Variants in KLF8 observed in about 807,000 individuals in gnomAD.
KLF8 encodes the protein Krueppel-like factor 8.
In KLF8, 10 loss-of-function variants were observed where a neutral mutation model predicts 18.2. The ratio of observed to expected loss-of-function variants is 0.55; its 90% confidence interval spans 0.34 to 0.93. The LOEUF is 0.93. Ranked by LOEUF, KLF8 falls within the 40% of genes least tolerant of loss-of-function variation. KLF8 has a pLI of 0.02. For missense variants in KLF8, 264 were observed against 277.9 expected (o/e 0.95, Z 0.36); for synonymous variants, 109 against 97.3 (o/e 1.12, Z -0.71).
the KLF8 span, among the ~76,000 whole-genome samples, chrX:56,058,279 C>T: frequency 6.8e-3 from 50 of 7,300 alleles, 1 homozygote; most frequent in African/African-American, 0.014. Context: ...CATATATATA[C>T]ATATATATAT....
the KLF8 span, among the ~76,000 whole-genome samples, chrX:56,119,410 T>G: frequency 1.8e-5 from 2 of 110,498 alleles, no homozygotes; most frequent in Non-Finnish European, 3.8e-5. Flanking sequence ...GTTCCGCTTA[T>G]TATTATTTTT....
the KLF8 span, among the ~76,000 whole-genome samples, chrX:56,197,756 G>A: frequency 1.8e-5 from 2 of 111,068 alleles, no homozygotes; most frequent in African/African-American, 6.6e-5. Flanking sequence ...AAATCATCCA[G>A]TACCAAAGCC....
At chrX:56,069,771 C>T in the KLF8 span, among the ~76,000 whole-genome samples, 2 of 111,965 alleles carry the variant, frequency 1.8e-5, no homozygotes, top group South Asian at 3.8e-4. Flanking sequence ...CAGTCTTGCC[C>T]GGCTTCCTGC....
the KLF8 span, among the ~76,000 whole-genome samples, chrX:56,082,956 C>T: frequency 1.8e-5 from 2 of 112,078 alleles, no homozygotes; most frequent in African/African-American, 6.5e-5. Flanking sequence ...TGACTACTTT[C>T]AAGACTCTGT....
chrX:56,086,944 C>G, the KLF8 span, among the ~76,000 whole-genome samples: 2 of 111,406 alleles, frequency 1.8e-5, no homozygotes, highest in African/African-American at 6.5e-5. Flanking sequence ...GAGAAGGAAT[C>G]CAGCCACTGG....
chrX:56,206,615 G>A, the KLF8 span, among the ~76,000 whole-genome samples: 270 of 112,455 alleles, frequency 2.4e-3, 1 homozygote, highest in African/African-American at 8.5e-3. Flanking sequence ...ATGGCCTTGG[G>A]CATCCCTGCC....
chrX:56,155,147 C>T, the KLF8 span, among the ~76,000 whole-genome samples: 1 of 111,680 alleles, frequency 9.0e-6, no homozygotes, highest in Non-Finnish European at 1.9e-5. Flanking sequence ...TATAAAGACA[C>T]ATGCTCACGT....
At chrX:55,936,289 T>C in the KLF8 span, among the ~76,000 whole-genome samples, 4 of 112,297 alleles carry the variant, frequency 3.6e-5, no homozygotes, top group African/African-American at 1.3e-4. Context: ...ATATATTGAT[T>C]GTGAACATAT....
At chrX:56,058,413 A>C in the KLF8 span, among the ~76,000 whole-genome samples, 2 of 97,790 alleles carry the variant, frequency 2.0e-5, no homozygotes, top group African/African-American at 3.7e-5. Context: ...ATAGGTATAC[A>C]CATGCCATGG....
At chrX:56,104,846 G>A in the KLF8 span, among the ~76,000 whole-genome samples, 1 of 111,436 alleles carries the variant, frequency 9.0e-6, no homozygotes, top group Non-Finnish European at 1.9e-5. Flanking sequence ...TCCCTTGTGG[G>A]CATTTAGTGC....
chrX:56,266,025 G>A (rs1239002883), intron 3 of KLF8: 7 of 830,386 alleles, frequency 8.4e-6, no homozygotes, highest in South Asian at 6.3e-5. Context: ...AATAATTTAA[G>A]CATTTTATAT....
At chrX:56,058,321 T>G in the KLF8 span, among the ~76,000 whole-genome samples, 2 of 67,261 alleles carry the variant, frequency 3.0e-5, no homozygotes, top group African/African-American at 5.1e-5. Context: ...TATATATATA[T>G]AGTGAGTTTT....
chrX:55,960,254 C>A, the KLF8 span, among the ~76,000 whole-genome samples: 1 of 112,281 alleles, frequency 8.9e-6, no homozygotes, highest in African/African-American at 3.2e-5. Flanking sequence ...CAGTGGCTCA[C>A]GCCTGTAATC....
At chrX:56,030,408 TG>T in the KLF8 span, among the ~76,000 whole-genome samples, 8 of 111,713 alleles carry the variant, frequency 7.2e-5, no homozygotes, top group African/African-American at 2.6e-4. Flanking sequence ...GAGTAGCTGG[TG>T]GGAATCAGCC....
the KLF8 span, among the ~76,000 whole-genome samples, chrX:56,040,758 C>T: frequency 2.0e-4 from 15 of 73,589 alleles, no homozygotes; most frequent in Admixed American, 5.4e-4. Flanking sequence ...GGAGTTCCTC[C>T]TTTTCAATTT....
chrX:56,072,807 C>G, the KLF8 span, among the ~76,000 whole-genome samples: 2 of 111,273 alleles, frequency 1.8e-5, no homozygotes, highest in Non-Finnish European at 3.8e-5. Context: ...TTTCCAAATG[C>G]TTTTAATCAT....
chrX:55,965,366 G>A, the KLF8 span, among the ~76,000 whole-genome samples: 5 of 111,762 alleles, frequency 4.5e-5, no homozygotes, highest in Non-Finnish European at 9.4e-5. Flanking sequence ...AACAGACTAG[G>A]CATGGAAGAA....
chrX:56,063,344 A>T, the KLF8 span, among the ~76,000 whole-genome samples: 7 of 111,186 alleles, frequency 6.3e-5, no homozygotes, highest in Non-Finnish European at 1.1e-4. Flanking sequence ...CTTCAGATGA[A>T]GTTTCTGTGT....
the KLF8 span, among the ~76,000 whole-genome samples, chrX:56,144,946 C>T: frequency 9.4e-6 from 1 of 106,585 alleles, no homozygotes; most frequent in African/African-American, 3.4e-5. Flanking sequence ...GCTCAGACCA[C>T]CACACCCGGC....
Sources: gnomAD v4.1 joint callset for allele counts (sites outside exome capture counted in the v4.1 genomes callset) on GRCh38, gnomAD v4.1.1 for gene constraint, MANE v1.5 for transcripts, NCBI Gene and HGNC (gene_info 2026-07-23, HGNC 2026-07-21) for gene names.